Variants in PHACTR2 observed in about 807,000 individuals in gnomAD.
The protein encoded by PHACTR2 is phosphatase and actin regulator 2, also known as chromosome 6 open reading frame 56.
In PHACTR2, 30 loss-of-function variants were observed where a neutral mutation model predicts 76.0. The observed-to-expected ratio is 0.39, with a 90% CI of 0.30 to 0.54. The LOEUF (loss-of-function observed/expected upper bound fraction) is 0.54. Among genes scored for constraint, PHACTR2 ranks in the 20% least tolerant of loss-of-function variants. The pLI, the probability that PHACTR2 is intolerant of heterozygous loss-of-function variation, is 0.61. For missense variants in PHACTR2, 696 were observed against 781.1 expected, an observed-to-expected ratio of 0.89 and a Z score of 1.30; for synonymous variants, 292 against 292.5, an observed-to-expected ratio of 1.00 and a Z score of 0.02.
rs1490832344 is a variant in PHACTR2 at position 143,541,628 on chromosome 6, G to A, written c.217+4421G>A. ...TGCCCTGGTATATATAGGCATAGGG[G>A]TAACAGCAAATCCAGGATCTTTTTC... is the stretch of plus-strand genomic sequence containing the variant. On this transcript the variant is annotated intron_variant, in intron 1 of 11. Transcript: ENST00000367584. The surrounding 1 kb of genome is among the most constrained non-coding windows in gnomAD (Gnocchi z 5.3). Among the ~76,000 whole-genome samples, 3 of 152,194 alleles carry A rather than the reference G, an allele frequency of 2.0e-5. No homozygotes were observed. Among genetic ancestry groups the A allele is most frequent in the Non-Finnish European group, 4.4e-5 (3 of 68,024 alleles).
At chr6:143,588,658 G>A (rs754361738) in intron 1 of PHACTR2, among the ~76,000 whole-genome samples, 3 of 152,084 alleles carry the variant, frequency 2.0e-5, no homozygotes, top group African/African-American at 4.8e-5. Context: ...GAGGATCAAC[G>A]AAACTAAAAG....
intron 1 of PHACTR2, among the ~76,000 whole-genome samples, chr6:143,655,699 T>C (rs1212064492): frequency 2.0e-5 from 3 of 152,188 alleles, no homozygotes; most frequent in Non-Finnish European, 4.4e-5. Flanking sequence ...ATTACTGCAA[T>C]GTAGTGTTTG....
rs1715116401 is a variant in PHACTR2, at chr6:143,596,649, G to A, written c.217+59442G>A. On this transcript the variant is annotated intron_variant, in intron 1 of 11. Transcript: ENST00000367584. The surrounding 1 kb of genome is among the most constrained non-coding windows in gnomAD (Gnocchi z 4.6). ...AGCCTAGTAGTTTGAGATCAGCCTGGGCAACATAGTGAGACCCCATTTTAC... is the reference window on the plus strand; with the variant it reads ...AGCCTAGTAGTTTGAGATCAGCCTGAGCAACATAGTGAGACCCCATTTTAC... 6.6e-6 allele frequency among the ~76,000 whole-genome samples: 1 copy of A among 151,934 alleles called. No individual in the cohort carries two copies. Among genetic ancestry groups the A allele is most frequent in the Non-Finnish European group, 1.5e-5 (1 of 67,988 alleles).
intron 1 of PHACTR2, among the ~76,000 whole-genome samples, chr6:143,609,595 A>G (rs1201973520): frequency 6.6e-6 from 1 of 152,252 alleles, no homozygotes; most frequent in Admixed American, 6.5e-5. Flanking sequence ...GACAAGGCAC[A>G]ATTTGAAGAT....
In PHACTR2 at chr6:143,755,553, A is replaced by G; in HGVS notation, c.454+1641A>G. 1 of 327,814 alleles carries G rather than the reference A, an allele frequency of 3.1e-6. No individual in the cohort carries two copies. The highest frequency in any genetic ancestry group is 6.0e-6 in the Non-Finnish European group (1 of 165,718). 20.3% of individuals were successfully genotyped at this position (327,814 alleles called of 1,614,324 possible). A position where few individuals can be genotyped will look rare whatever the true frequency, so the allele number is the denominator to read the frequency against. ...AGAAGATAGCAGACCTTATGGGTCC[A>G]TGAATAGTTGAGAGATGTTTTTCTT... On this transcript the variant is annotated intron_variant, in intron 4 of 12. Transcript: ENST00000440869. The surrounding 1 kb of genome is among the most constrained non-coding windows in gnomAD (Gnocchi z 5.2).
At chr6:143,645,758 T>A (rs777907704) in intron 1 of PHACTR2, among the ~76,000 whole-genome samples, 1 of 152,224 alleles carries the variant, frequency 6.6e-6, no homozygotes, top group Non-Finnish European at 1.5e-5. Context: ...GTTGACATTA[T>A]TCCTTAAAAA....
Position 143,809,607 on chromosome 6 carries a change from C to T in PHACTR2, c.1922+2474C>T, listed in dbSNP as rs1776135328. ...CTATTAAGTATAAATGAAAAACCTT[C>T]ACTCCTTTCCCAACCTCATTTCTGT... On this transcript the variant is annotated intron_variant, in intron 12 of 12. Transcript: ENST00000440869. The surrounding 1 kb of genome is among the most constrained non-coding windows in gnomAD (Gnocchi z 4.2). 1.3e-5 allele frequency among the ~76,000 whole-genome samples: 2 copies of T among 152,080 alleles called. No individual in the cohort carries two copies. Among genetic ancestry groups the T allele is most frequent in the African/African-American group, 4.8e-5 (2 of 41,422 alleles).
chr6:143,753,996 C>G lies in PHACTR2; in HGVS notation c.454+84C>G, dbSNP rs574362925. On this transcript the variant is annotated intron_variant, in intron 4 of 12. Coordinates refer to ENST00000440869, the MANE Select transcript of PHACTR2 (RefSeq NM_001100164.2). The surrounding 1 kb of genome is among the most constrained non-coding windows in gnomAD (Gnocchi z 4.6). ...AGCACTTAGGCTCCAACTAGTGACTCTAAAACCAGCAGTCTGCAGAGGAGA... is the reference window on the plus strand; with the variant it reads ...AGCACTTAGGCTCCAACTAGTGACTGTAAAACCAGCAGTCTGCAGAGGAGA... The G allele has an allele frequency of 1.0e-4, 82 of 812,154 alleles. No individual in the cohort carries two copies. Among genetic ancestry groups the G allele is most frequent in the Non-Finnish European group, 1.4e-4 (75 of 549,130 alleles). 50.3% of individuals were successfully genotyped at this position (812,154 alleles called of 1,614,324 possible).
At position 143,689,314 on chromosome 6, in the gene PHACTR2, C is replaced by T. The variant is rs1370123355; in HGVS notation, c.46+11105C>T. Among the ~76,000 whole-genome samples, 4 of 152,166 alleles carry T rather than the reference C, an allele frequency of 2.6e-5. No homozygotes were observed. The highest frequency in any genetic ancestry group is 1.3e-4 in the Admixed American group (2 of 15,278). On this transcript the variant is annotated intron_variant, in intron 1 of 12. Transcript: ENST00000440869. This position sits in a 1 kb window ranked among gnomAD's most constrained non-coding sequence, Gnocchi z 4.4. The stretch of plus-strand genomic sequence containing the variant: ...AACATAAGCTCCATGATCTAAAAGA[C>T]GTTATCTGTCTTGTTCACCAATGTC...
intron 2 of PHACTR2, among the ~76,000 whole-genome samples, chr6:143,719,048 A>G (rs370626153): frequency 3.3e-5 from 5 of 151,734 alleles, no homozygotes; most frequent in African/African-American, 1.2e-4. Flanking sequence ...ACGCCCAGCT[A>G]ATTTTTGTAT....
rs1775685820 is a variant in PHACTR2 at position 143,791,353 on chromosome 6, A to G, written c.1845+2443A>G. Among the ~76,000 whole-genome samples, 1 of 152,216 alleles carries G rather than the reference A, an allele frequency of 6.6e-6. No individual in the cohort carries two copies. On this transcript the variant is annotated intron_variant, in intron 11 of 12. Transcript: ENST00000440869. The surrounding 1 kb of genome is among the most constrained non-coding windows in gnomAD (Gnocchi z 4.7). Reference sequence around the variant, plus strand: ...TCCTTCCTTACTTTCTGATACAAGCACTGAAGGTTAGAAATGACTCTGTGT... The same window carrying G: ...TCCTTCCTTACTTTCTGATACAAGCGCTGAAGGTTAGAAATGACTCTGTGT...
intron 3 of PHACTR2, 46 bp downstream of exon 3, chr6:143,749,111 T>C: frequency 9.9e-7 from 1 of 1,010,584 alleles, no homozygotes; most frequent in Non-Finnish European, 1.5e-6. Context: ...TCCTTCATTC[T>C]TTGGTTTTTC....
Position 143,787,737 on chromosome 6 carries a change from AC to A in PHACTR2, c.1708-1030del, listed in dbSNP as rs765639654. Among the ~76,000 whole-genome samples, 1 of 151,324 alleles carries A rather than the reference AC, an allele frequency of 6.6e-6. No homozygotes were observed. The highest frequency in any genetic ancestry group is 1.5e-5 in the Non-Finnish European group (1 of 67,894). The stretch of plus-strand genomic sequence containing the variant: ...AGACCAGCCTGAGCAACATAGAGAG[AC>A]CCCCCACCCACTCTGTTTAAATAAA... On this transcript the variant is annotated intron_variant, in intron 10 of 12. Coordinates refer to ENST00000440869, the MANE Select transcript of PHACTR2 (RefSeq NM_001100164.2). This position sits in a 1 kb window ranked among gnomAD's most constrained non-coding sequence, Gnocchi z 4.6.
chr6:143,634,593 G>A (rs1404454090), intron 1 of PHACTR2, among the ~76,000 whole-genome samples: 1 of 152,216 alleles, frequency 6.6e-6, no homozygotes, highest in East Asian at 1.9e-4. Flanking sequence ...GTCTGATAGT[G>A]AGGATGAGCC....
chr6:143,686,728 A>G (rs921890910), intron 1 of PHACTR2, among the ~76,000 whole-genome samples: 5 of 151,878 alleles, frequency 3.3e-5, no homozygotes, highest in Non-Finnish European at 5.9e-5. Flanking sequence ...CTCGTGATCC[A>G]CCTGCCTCGG....
At chr6:143,693,248 A>G (rs897471097) in intron 1 of PHACTR2, among the ~76,000 whole-genome samples, 5 of 151,544 alleles carry the variant, frequency 3.3e-5, no homozygotes, top group East Asian at 3.9e-4. Flanking sequence ...TTTTGTTTTT[A>G]TTTTTTTGAG....
Position 143,556,498 on chromosome 6 carries a change from C to T in PHACTR2, c.217+19291C>T, listed in dbSNP as rs977563532. Among the ~76,000 whole-genome samples, 2 of 152,100 alleles carry T rather than the reference C, an allele frequency of 1.3e-5. No homozygotes were observed. The highest frequency in any genetic ancestry group is 2.1e-4 in the South Asian group (1 of 4,822). ...AAACCAGAAAGTACATTCATAACTC[C>T]GTATGTCAAACTAGAGAGAGGAAAG... On this transcript the variant is annotated intron_variant, in intron 1 of 11. Coordinates refer to the PHACTR2 transcript ENST00000367584. This position sits in a 1 kb window ranked among gnomAD's most constrained non-coding sequence, Gnocchi z 4.3.
chr6:143,675,482 T>C (rs535992630), upstream of PHACTR2, among the ~76,000 whole-genome samples: 136 of 152,312 alleles, frequency 8.9e-4, no homozygotes, highest in African/African-American at 3.2e-3. The surrounding 1 kb of genome is among the most constrained non-coding windows in gnomAD (Gnocchi z 4.9). Context: ...GCCTGTAGAA[T>C]AGGTTATTGT....
rs73780456 is a variant in PHACTR2, at chr6:143,580,831, A to T, written c.217+43624A>T. ...CTTAGGTTTTGGATGGGTCACCTAC[A>T]CAAATGAAGTGACCCAGAATGCTGA... On this transcript the variant is annotated intron_variant, in intron 1 of 11. Coordinates refer to the PHACTR2 transcript ENST00000367584. This position sits in a 1 kb window ranked among gnomAD's most constrained non-coding sequence, Gnocchi z 4.2. Among the ~76,000 whole-genome samples the T allele has an allele frequency of 0.014, 2,147 of 152,314 alleles. 66 individuals carry two copies. The highest frequency in any genetic ancestry group is 0.048 in the African/African-American group (1,999 of 41,548).
Sources: gnomAD v4.1 joint callset for allele counts (sites outside exome capture counted in the v4.1 genomes callset) on GRCh38, gnomAD v4.1.1 for gene constraint, Gnocchi (gnomAD v3.1) non-coding constraint, MANE v1.5 for transcripts, NCBI Gene and HGNC (gene_info 2026-07-23, HGNC 2026-07-21) for gene names.